The following NMT2 variants were observed in gnomAD, a reference collection of about 807,000 sequenced individuals.
NMT2 encodes N-myristoyltransferase 2.
NMT2 carries 35 observed loss-of-function variants against 65.4 expected under a neutral mutation model. That is an observed-to-expected ratio of 0.54 (90% CI 0.41 to 0.71). The LOEUF (loss-of-function observed/expected upper bound fraction) is 0.71, where lower values mean the gene tolerates loss of function less well. Ranked by LOEUF, NMT2 falls within the 30% of genes least tolerant of loss-of-function variation. The pLI, the probability that NMT2 is intolerant of heterozygous loss-of-function variation, is 0.00. For synonymous variants in NMT2, 226 were observed against 231.8 expected, an observed-to-expected ratio of 0.98 and a Z score of 0.23; for missense variants, 489 against 611.3, an observed-to-expected ratio of 0.80 and a Z score of 2.11.
intron 2 of NMT2, among the ~76,000 whole-genome samples, chr10:15,140,061 G>T (rs980469491): frequency 6.6e-6 from 1 of 151,646 alleles, no homozygotes; most frequent in African/African-American, 2.4e-5. Context: ...AGGGGGCAGA[G>T]ACCAAGCTCA....
intron 1 of NMT2, among the ~76,000 whole-genome samples, chr10:15,142,822 A>T (rs971184747): frequency 4.6e-5 from 7 of 152,218 alleles, no homozygotes; most frequent in African/African-American, 1.7e-4. Flanking sequence ...GGGATTAAAC[A>T]AACATATCAC....
At chr10:15,114,563 T>C (rs1845683461) in intron 9 of NMT2, among the ~76,000 whole-genome samples, 1 of 152,222 alleles carries the variant, frequency 6.6e-6, no homozygotes, top group South Asian at 2.1e-4. Flanking sequence ...GTAATCCCTA[T>C]TATTACATAC....
At chr10:15,163,119 C>T (rs1833257621) in intron 1 of NMT2, among the ~76,000 whole-genome samples, 1 of 151,940 alleles carries the variant, frequency 6.6e-6, no homozygotes, top group Admixed American at 6.6e-5. Context: ...TGCTATGTTC[C>T]CCAGGTTGAT....
intron 8 of NMT2, among the ~76,000 whole-genome samples, chr10:15,122,264 A>G (rs1427735360): frequency 1.3e-5 from 2 of 152,298 alleles, no homozygotes; most frequent in Non-Finnish European, 2.9e-5. Flanking sequence ...TCAGAAATGA[A>G]AAAAAAATTT....
intron 8 of NMT2, among the ~76,000 whole-genome samples, chr10:15,127,896 TCC>T (rs769394721): frequency 7.2e-6 from 1 of 138,888 alleles, no homozygotes; most frequent in African/African-American, 3.1e-5. Flanking sequence ...CAAGACTGTC[TCC>T]AAAAAAAAAA....
intron 3 of NMT2, among the ~76,000 whole-genome samples, chr10:15,133,748 G>A (rs570799345): frequency 6.6e-6 from 1 of 152,154 alleles, no homozygotes; most frequent in Non-Finnish European, 1.5e-5. Context: ...CACAGTGCCC[G>A]GCTAATTGTA....
At chr10:15,132,117 G>A (rs1168734535) in intron 6 of NMT2, among the ~76,000 whole-genome samples, 2 of 152,010 alleles carry the variant, frequency 1.3e-5, no homozygotes, top group African/African-American at 4.8e-5. Context: ...TGCCAGCCTC[G>A]GCCCCGACCA....
chr10:15,141,604 A>G, intron 1 of NMT2, 47 bp from the exon 2 acceptor site: 1 of 1,548,072 alleles, frequency 6.5e-7, no homozygotes, highest in Non-Finnish European at 8.7e-7. Context: ...AACAAAAATC[A>G]TTAAATGAAA....
chr10:15,157,272 C>T (rs1246748212), intron 1 of NMT2, among the ~76,000 whole-genome samples: 4 of 152,280 alleles, frequency 2.6e-5, no homozygotes, highest in East Asian at 1.9e-4. Context: ...ATTCAGTCCT[C>T]GACTCCAACC....
chr10:15,156,742 A>G (rs1833013246), intron 1 of NMT2, among the ~76,000 whole-genome samples: 1 of 152,068 alleles, frequency 6.6e-6, no homozygotes. Context: ...CTAAAAATAC[A>G]AAAATTAGCC....
intron 9 of NMT2, among the ~76,000 whole-genome samples, chr10:15,117,604 G>T (rs956710287): frequency 6.6e-6 from 1 of 152,162 alleles, no homozygotes; most frequent in Non-Finnish European, 1.5e-5. Flanking sequence ...CAATAAAGCT[G>T]TCCCTATTTG....
At position 15,138,145 on chromosome 10, in the gene NMT2, G is replaced by T. The variant is rs1218174014; in HGVS notation, c.247-2727C>A. Among the ~76,000 whole-genome samples the T allele has an allele frequency of 1.3e-5, 2 of 151,798 alleles. 1 individual carries two copies. Among genetic ancestry groups the T allele is most frequent in the East Asian group, 3.9e-4 (2 of 5,160 alleles). On this transcript the variant is annotated intron_variant, in intron 2 of 11. Coordinates refer to ENST00000378165, the MANE Select transcript of NMT2 (RefSeq NM_004808.3). ...CCTGCCTCAGTTTCCTGAGTAGCTG[G>T]GATTACAGGCTTGTGCCACCACGCC...
chr10:15,140,974 A>C, intron 2 of NMT2: 1 of 1,550,150 alleles, frequency 6.5e-7, no homozygotes, highest in Non-Finnish European at 8.7e-7. Context: ...TTCAAAGTCA[A>C]CGAGAGACTT....
At chr10:15,156,273 C>T (rs1412507515) in intron 1 of NMT2, among the ~76,000 whole-genome samples, 2 of 152,020 alleles carry the variant, frequency 1.3e-5, no homozygotes, top group African/African-American at 2.4e-5. Context: ...TGAAATCTGA[C>T]GATTTTATAA....
At chr10:15,143,344 C>G (rs1364734599) in intron 1 of NMT2, among the ~76,000 whole-genome samples, 1 of 152,194 alleles carries the variant, frequency 6.6e-6, no homozygotes, top group Non-Finnish European at 1.5e-5. Flanking sequence ...CCACTTCTAC[C>G]ATGTATTCTA....
chr10:15,153,810 C>T (rs190436024), intron 1 of NMT2, among the ~76,000 whole-genome samples: 5,429 of 151,290 alleles, frequency 0.036, 138 homozygotes, highest in Non-Finnish European at 0.053. Context: ...CCACCACGCC[C>T]GGCTAATTTT....
chr10:15,160,461 C>G (rs1833150116), intron 1 of NMT2, among the ~76,000 whole-genome samples: 1 of 152,078 alleles, frequency 6.6e-6, no homozygotes, highest in African/African-American at 2.4e-5. Context: ...TGTATCAGCT[C>G]AGGCCATTTT....
chr10:15,148,790 G>A (rs1411092786), intron 1 of NMT2, among the ~76,000 whole-genome samples: 1 of 151,016 alleles, frequency 6.6e-6, no homozygotes, highest in African/African-American at 2.5e-5. Context: ...CTAGATGAAT[G>A]AGAAATCAAT....
chr10:15,129,721 C>T (rs189504889), intron 7 of NMT2, among the ~76,000 whole-genome samples: 1 of 151,908 alleles, frequency 6.6e-6, no homozygotes, highest in Non-Finnish European at 1.5e-5. Context: ...CCAGCCTGAC[C>T]AACATGGTGA....
Sources: gnomAD v4.1 joint callset for allele counts (sites outside exome capture counted in the v4.1 genomes callset) on GRCh38, gnomAD v4.1.1 for gene constraint, MANE v1.5 for transcripts, NCBI Gene and HGNC (gene_info 2026-07-23, HGNC 2026-07-21) for gene names.